RXFP2: variants seen among roughly 807,000 people sequenced by gnomAD.
RXFP2 encodes the protein relaxin family peptide receptor 2, also known as relaxin receptor 2.
A neutral mutation model predicts 88.6 loss-of-function variants in RXFP2; 68 were observed. The observed-to-expected ratio is 0.77, with a 90% CI of 0.63 to 0.94. RXFP2 has a LOEUF of 0.94. Among genes scored for constraint, RXFP2 ranks in the 40% least tolerant of loss-of-function variants. RXFP2 has a pLI of 0.00. For missense variants in RXFP2, 791 were observed against 893.9 expected, an observed-to-expected ratio of 0.88 and a Z score of 1.47; for synonymous variants, 329 against 306.8, an observed-to-expected ratio of 1.07 and a Z score of -0.76.
intron 9 of RXFP2, among the ~76,000 whole-genome samples, chr13:31,779,896 T>C (rs2138437761): frequency 6.6e-6 from 1 of 152,332 alleles, no homozygotes; most frequent in Middle Eastern, 3.4e-3. Flanking sequence ...TCTAAAACAG[T>C]AGAGGTCTCA....
chr13:31,772,151 T>A (rs368882014), intron 5 of RXFP2, among the ~76,000 whole-genome samples: 1 of 152,186 alleles, frequency 6.6e-6, no homozygotes, highest in South Asian at 2.1e-4. Flanking sequence ...TTTATGGAAT[T>A]GACTATAATA....
intron 14 of RXFP2, among the ~76,000 whole-genome samples, chr13:31,789,728 T>C (rs888568104): frequency 5.3e-5 from 8 of 152,362 alleles, no homozygotes; most frequent in Admixed American, 2.0e-4. Flanking sequence ...TATTTCTTTA[T>C]CAACTGTGTA....
chr13:31,778,168 A>G (rs1307272725), intron 8 of RXFP2, among the ~76,000 whole-genome samples: 1 of 152,174 alleles, frequency 6.6e-6, no homozygotes, highest in Admixed American at 6.5e-5. Flanking sequence ...CTTTGGATGT[A>G]TGGCACTGGA....
chr13:31,745,272 C>A (rs1321147240), intron 1 of RXFP2, among the ~76,000 whole-genome samples: 3 of 152,142 alleles, frequency 2.0e-5, no homozygotes, highest in African/African-American at 7.2e-5. Context: ...CTCCTGCACA[C>A]AGCTCCTCAA....
At chr13:31,795,226 T>C (rs1290712176) in intron 16 of RXFP2, among the ~76,000 whole-genome samples, 1 of 151,830 alleles carries the variant, frequency 6.6e-6, no homozygotes, top group African/African-American at 2.4e-5. Flanking sequence ...CTCGGCTCCC[T>C]GCAACCTCCG....
chr13:31,801,566 C>T (rs1462795239), intron 17 of RXFP2, among the ~76,000 whole-genome samples: 2 of 152,132 alleles, frequency 1.3e-5, no homozygotes, highest in Non-Finnish European at 2.9e-5. Context: ...CAAAGAACTT[C>T]TTGTGACCTC....
chr13:31,774,867 A>G (rs1285784239), intron 6 of RXFP2, among the ~76,000 whole-genome samples, 176 bp downstream of exon 6: 1 of 152,218 alleles, frequency 6.6e-6, no homozygotes, highest in Admixed American at 6.5e-5. Flanking sequence ...TACCTTTACC[A>G]GAAGACATAC....
Position 31,781,713 on chromosome 13 carries a change from G to C in RXFP2, c.828G>C (p.Thr276=). Residue 276 remains threonine, a synonymous_variant, in exon 10 of 18, where the codon ACG becomes ACC. Transcript: ENST00000298386. ...GNRIKYLTNS[T]FLSCDSLTVL... Reference sequence around the variant, plus strand: ...GAATAAAGTATCTCACAAATTCTACGTTTCTGTCGTGCGATTCGCTCACAG... The same window carrying C: ...GAATAAAGTATCTCACAAATTCTACCTTTCTGTCGTGCGATTCGCTCACAG... The C allele has an allele frequency of 6.2e-7, 1 of 1,612,446 alleles. No individual in the cohort carries two copies. Among genetic ancestry groups the C allele is most frequent in the South Asian group, 1.1e-5 (1 of 90,962 alleles).
At chr13:31,781,334 G>A (rs1873261580) in intron 9 of RXFP2, among the ~76,000 whole-genome samples, 1 of 152,248 alleles carries the variant, frequency 6.6e-6, no homozygotes, top group South Asian at 2.1e-4. Flanking sequence ...TTTGGCAGGA[G>A]TGCTGTGTGA....
At chr13:31,790,012 A>G (rs1566234679) in intron 14 of RXFP2, among the ~76,000 whole-genome samples, 1 of 152,204 alleles carries the variant, frequency 6.6e-6, no homozygotes, top group Non-Finnish European at 1.5e-5. Flanking sequence ...TAGGCAGGAT[A>G]TGGGGTCTTC....
intron 1 of RXFP2, among the ~76,000 whole-genome samples, chr13:31,750,090 G>A (rs181069595): frequency 6.6e-5 from 10 of 152,158 alleles, no homozygotes; most frequent in Non-Finnish European, 5.9e-5. Context: ...TCTCATAAAC[G>A]GAGTTAAAAA....
intron 1 of RXFP2, among the ~76,000 whole-genome samples, chr13:31,757,130 T>C (rs1306712108): frequency 6.6e-6 from 1 of 152,222 alleles, no homozygotes; most frequent in African/African-American, 2.4e-5. Context: ...TCAACTCAGC[T>C]GTTATTCAAC....
intron 1 of RXFP2, among the ~76,000 whole-genome samples, chr13:31,752,290 C>A (rs988470411): frequency 8.5e-5 from 13 of 152,100 alleles, no homozygotes; most frequent in South Asian, 2.1e-4. Flanking sequence ...CCCTCCCCCC[C>A]AAAAAATCTG....
At chr13:31,779,383 T>TTA (rs1333453977) in intron 9 of RXFP2, among the ~76,000 whole-genome samples, 2 of 152,040 alleles carry the variant, frequency 1.3e-5, no homozygotes, top group Admixed American at 6.6e-5. Context: ...TCCTCAGTGC[T>TTA]TATGTCTTCT....
chr13:31,743,348 G>A (rs923184900), intron 1 of RXFP2, among the ~76,000 whole-genome samples: 1 of 151,888 alleles, frequency 6.6e-6, no homozygotes, highest in African/African-American at 2.4e-5. Flanking sequence ...CACACCTGTG[G>A]TCCCAGCTAC....
At chr13:31,755,386 T>C (rs1408915023) in intron 1 of RXFP2, among the ~76,000 whole-genome samples, 1 of 151,916 alleles carries the variant, frequency 6.6e-6, no homozygotes, top group East Asian at 1.9e-4. Flanking sequence ...TGGATGTGGG[T>C]GTGGGTGTGG....
At chr13:31,798,927 A>T (rs1874188142) in intron 17 of RXFP2, among the ~76,000 whole-genome samples, 1 of 152,122 alleles carries the variant, frequency 6.6e-6, no homozygotes, top group South Asian at 2.1e-4. Flanking sequence ...CCCCACTTTC[A>T]TGCAATCCAG....
chr13:31,795,008 A>G (rs1873961447), intron 16 of RXFP2, among the ~76,000 whole-genome samples: 1 of 152,208 alleles, frequency 6.6e-6, no homozygotes, highest in South Asian at 2.1e-4. Flanking sequence ...ATAAGAATAC[A>G]TAATTTTTAA....
chr13:31,760,073 G>GTTGTTTGTTTGT (rs141810581), intron 2 of RXFP2, among the ~76,000 whole-genome samples: 23 of 150,674 alleles, frequency 1.5e-4, no homozygotes, highest in Admixed American at 1.5e-3. Flanking sequence ...CAGTGTTGTT[G>GTTGTTTGTTTGT]TTGTTTGTTT....
Sources: allele counts gnomAD v4.1 joint callset (sites outside exome capture counted in the v4.1 genomes callset), GRCh38; gene constraint gnomAD v4.1.1; transcripts MANE v1.5; gene names NCBI Gene and HGNC (gene_info 2026-07-23, HGNC 2026-07-21).